DAOA: variants seen among roughly 807,000 people sequenced by gnomAD.
DAOA encodes D-amino acid oxidase activator.
A neutral mutation model predicts 16.4 loss-of-function variants in DAOA; 15 were observed. The ratio of observed to expected loss-of-function variants is 0.91; its 90% CI spans 0.61 to 1.41. The LOEUF (loss-of-function observed/expected upper bound fraction) is 1.41. Ranked by LOEUF, DAOA falls within the 40% of genes most tolerant of loss-of-function variation. DAOA has a pLI of 0.00. For synonymous variants in DAOA, 75 were observed against 59.1 expected (o/e 1.27, Z -1.23); for missense variants, 230 against 176.8 (o/e 1.30, Z -1.71).
chr13:105,466,975 T>C (rs1455893263), intron 2 of DAOA, 78 bp from the exon 3 acceptor site: 13 of 1,513,388 alleles, frequency 8.6e-6, no homozygotes, highest in Non-Finnish European at 1.1e-5. Flanking sequence ...ATATGCTCCA[T>C]TGATGTTGCT....
intron 3 of DAOA, 139 bp from the exon 4 acceptor site, chr13:105,472,399 T>A: frequency 8.4e-7 from 1 of 1,194,262 alleles, no homozygotes; most frequent in Non-Finnish European, 1.1e-6. Context: ...GAGGGAATTT[T>A]GTCTTAACCA....
intron 4 of DAOA, among the ~76,000 whole-genome samples, chr13:105,480,753 G>A (rs369449264): frequency 6.6e-6 from 1 of 152,160 alleles, no homozygotes; most frequent in South Asian, 2.1e-4. Context: ...GTAATACCTA[G>A]AGTCCAAAAA....
chr13:105,483,096 G>T (rs1379088986), intron 4 of DAOA, among the ~76,000 whole-genome samples: 1 of 151,778 alleles, frequency 6.6e-6, no homozygotes, highest in African/African-American at 2.4e-5. Flanking sequence ...TTTTCATTGT[G>T]TATTAGTTTG....
rs1241892320 is a variant in DAOA, at chr13:105,472,595, G to A, written c.191G>A (p.Arg64Lys). ...ACAAGGAAAGAAGGATGGAAGAGAA[G>A]GCATGAGGACGGCTATTTGGAAATG... is the stretch of plus-strand genomic sequence containing the variant. ...TVTRKEGWKR[R>K]HEDGYLEMAQ... The change falls in exon 4 of 6, where the codon AGG becomes AAG. Residue 64 changes from arginine (R) to lysine (K), a missense_variant. Transcript: ENST00000375936. 1.2e-6 allele frequency: 2 copies of A among 1,613,938 alleles called. No homozygotes were observed. The highest frequency in any genetic ancestry group is 1.3e-5 in the African/African-American group (1 of 74,910).
intron 2 of DAOA, 144 bp from the exon 3 acceptor site, chr13:105,466,909 C>A (rs576954556): frequency 1.2e-5 from 13 of 1,075,664 alleles, no homozygotes; most frequent in Admixed American, 4.0e-5. Context: ...AAAAATAAGA[C>A]GTATTTGGCT....
intron 3 of DAOA, among the ~76,000 whole-genome samples, chr13:105,468,636 G>T (rs12874006): frequency 0.12 from 17,781 of 152,206 alleles, 1,141 homozygotes; most frequent in Middle Eastern, 0.15. Flanking sequence ...ATCAATGCCT[G>T]GTGGAATAAT....
intron 4 of DAOA, among the ~76,000 whole-genome samples, chr13:105,484,285 T>C (rs566676399): frequency 1.1e-3 from 174 of 152,118 alleles, no homozygotes; most frequent in Non-Finnish European, 2.2e-3. Flanking sequence ...CCCAGTTTTG[T>C]TCTTTTAGAA....
intron 4 of DAOA, among the ~76,000 whole-genome samples, chr13:105,475,449 A>G: frequency 6.6e-6 from 1 of 152,218 alleles, no homozygotes; most frequent in East Asian, 1.9e-4. Flanking sequence ...CCTTAGGAAC[A>G]CAGAAGCTTT....
At chr13:105,467,016 G>A in intron 2 of DAOA, 37 bp from the exon 3 acceptor site, 3 of 1,599,794 alleles carry the variant, frequency 1.9e-6, no homozygotes, top group Non-Finnish European at 2.6e-6. Context: ...GGGTATAAAG[G>A]AATCTGAACA....
intron 3 of DAOA, chr13:105,467,583 C>CTT (rs71114923): frequency 0.01 from 1,429 of 137,232 alleles, 33 homozygotes; most frequent in African/African-American, 0.032. Flanking sequence ...AATTCTTTTT[C>CTT]TTTTTTTTTT....
intron 2 of DAOA, 143 bp from the exon 3 acceptor site, chr13:105,466,910 G>A (rs72549470): frequency 2.6e-4 from 287 of 1,092,182 alleles, no homozygotes; most frequent in East Asian, 9.0e-4. Flanking sequence ...AAAATAAGAC[G>A]TATTTGGCTG....
chr13:105,470,251 T>A (rs556695678), intron 3 of DAOA, among the ~76,000 whole-genome samples: 6 of 152,248 alleles, frequency 3.9e-5, no homozygotes, highest in Admixed American at 1.3e-4. Flanking sequence ...GCTATCTTTG[T>A]TATGTATTAA....
chr13:105,485,960 G>A lies in DAOA; in HGVS notation c.282-3941G>A, dbSNP rs185919146. 3.3e-5 allele frequency among the ~76,000 whole-genome samples: 5 copies of A among 152,244 alleles called. No homozygotes were observed. In the East Asian group the frequency reaches 9.7e-4, roughly 29 times the overall value. Reference sequence around the variant, plus strand: ...GCTACTCCATTCACAGTTCTCTGTTGTAGCAGCCTAGGAAACAAACCCACT... The same window carrying A: ...GCTACTCCATTCACAGTTCTCTGTTATAGCAGCCTAGGAAACAAACCCACT... On this transcript the variant is annotated intron_variant, in intron 4 of 5. Transcript: ENST00000375936.
At chr13:105,483,573 G>T (rs1368522180) in intron 4 of DAOA, among the ~76,000 whole-genome samples, 1 of 151,778 alleles carries the variant, frequency 6.6e-6, no homozygotes, top group African/African-American at 2.4e-5. Context: ...GTGCTATCTT[G>T]TTATGCTTTC....
In DAOA at chr13:105,467,102, A is replaced by T; in HGVS notation, c.94A>T (p.Ile32Phe). Residue 32 changes from isoleucine to phenylalanine, a missense_variant, in exon 3 of 6, where the codon ATT becomes TTT. Transcript: ENST00000375936. ...KIYFIGFQRS[I>F]LLSKSENSLN... is the part of the protein sequence containing the mutation. ...CTACTTCATAGGTTTTCAAAGGAGC[A>T]TTCTTCTGAGCAAATCTGAAAACTC... 1 of 1,611,026 alleles carries T rather than the reference A, an allele frequency of 6.2e-7. No homozygotes were observed. The highest frequency in any genetic ancestry group is 8.5e-7 in the Non-Finnish European group (1 of 1,178,122).
intron 4 of DAOA, among the ~76,000 whole-genome samples, chr13:105,486,909 G>A (rs550176859): frequency 1.3e-5 from 2 of 152,102 alleles, no homozygotes; most frequent in East Asian, 1.9e-4. Flanking sequence ...CATGAGCCAC[G>A]GTACCTGGCC....
At chr13:105,484,040 C>T (rs1035450400) in intron 4 of DAOA, among the ~76,000 whole-genome samples, 1 of 152,054 alleles carries the variant, frequency 6.6e-6, no homozygotes, top group Non-Finnish European at 1.5e-5. Context: ...TATAATTCAA[C>T]TTGAGTTAAA....
intron 4 of DAOA, among the ~76,000 whole-genome samples, chr13:105,480,570 A>G (rs752178338): frequency 6.7e-6 from 1 of 149,712 alleles, no homozygotes; most frequent in Non-Finnish European, 1.5e-5. Context: ...ATAGATAGAT[A>G]GCATTTGTTA....
chr13:105,483,259 G>C (rs1453094027), intron 4 of DAOA, among the ~76,000 whole-genome samples: 1 of 152,054 alleles, frequency 6.6e-6, no homozygotes, highest in Admixed American at 6.5e-5. Flanking sequence ...CTCTGTTGAT[G>C]GGCATTAGAG....
Sources: allele counts gnomAD v4.1 joint callset (sites outside exome capture counted in the v4.1 genomes callset), GRCh38; gene constraint gnomAD v4.1.1; transcripts MANE v1.5; gene names NCBI Gene and HGNC (gene_info 2026-07-23, HGNC 2026-07-21).